Variants in RPH3AL observed in about 807,000 individuals in gnomAD.
RPH3AL encodes the protein rabphilin 3A like (without C2 domains), also known as rab effector Noc2.
A neutral mutation model predicts 43.1 loss-of-function variants in RPH3AL; 38 were observed. The ratio of observed to expected loss-of-function variants is 0.88; its 90% CI spans 0.68 to 1.15. The LOEUF (loss-of-function observed/expected upper bound fraction) is 1.15. Among genes scored for constraint, RPH3AL ranks in the 50% most tolerant of loss-of-function variants. The pLI is 0.00. For missense variants in RPH3AL, 462 were observed against 423.2 expected (o/e 1.09, Z -0.81); for synonymous variants, 189 against 176.3 (o/e 1.07, Z -0.57).
In RPH3AL at chr17:333,333, A is replaced by T. The variant is rs1164499205; in HGVS notation, c.-37+426T>A. 7.9e-6 allele frequency: 10 copies of T among 1,268,228 alleles called. No homozygotes were observed. The highest frequency in any genetic ancestry group is 1.0e-5 in the Non-Finnish European group (10 of 972,008). The allele number at this position is 1,268,228 out of a possible 1,614,324, so 78.6% of individuals were successfully genotyped here. A position where few individuals can be genotyped will look rare whatever the true frequency, so the allele number is the denominator to read the frequency against. On this transcript the variant is annotated intron_variant, in intron 2 of 9. Coordinates refer to ENST00000331302, the MANE Select transcript of RPH3AL (RefSeq NM_006987.4). This position sits in a 1 kb window ranked among gnomAD's most constrained non-coding sequence, Gnocchi z 4.5. ...TTTTATCCTAAAGAGAAAACACCTT[A>T]AATTCTCACATCAGCCACCCCCATG...
chr17:343,869 G>A (rs958802653), intron 1 of RPH3AL, among the ~76,000 whole-genome samples: 4 of 152,162 alleles, frequency 2.6e-5, no homozygotes, highest in African/African-American at 9.7e-5. Context: ...AACACAACCA[G>A]CACAAAGCCT....
intron 7 of RPH3AL, among the ~76,000 whole-genome samples, chr17:222,996 G>A (rs981042167): frequency 3.9e-5 from 6 of 152,142 alleles, no homozygotes; most frequent in African/African-American, 1.4e-4. Flanking sequence ...TCAAGACCAG[G>A]CTGGCTAACA....
At chr17:332,450 G>C (rs7221193) in intron 2 of RPH3AL, 50,351 of 165,224 alleles carry the variant, frequency 0.3, 8,973 homozygotes, top group Admixed American at 0.49. Context: ...TTCCCTGCTG[G>C]ACCTTGGGTG....
Position 251,216 on chromosome 17 carries a change from T to C in RPH3AL, c.439-3931A>G, listed in dbSNP as rs556331461. The stretch of plus-strand genomic sequence containing the variant: ...CTTGAACGGCCTGGAACCTGTCTGG[T>C]GGGATGGGTGCTTCATGGCACCCGC... On this transcript the variant is annotated intron_variant, in intron 6 of 9. Coordinates refer to ENST00000331302, the MANE Select transcript of RPH3AL (RefSeq NM_006987.4). Among the ~76,000 whole-genome samples the C allele has an allele frequency of 2.0e-5, 3 of 152,288 alleles. No homozygotes were observed. In the South Asian group the frequency reaches 6.2e-4, roughly 32 times the overall value.
chr17:304,350 C>G (rs1025983588), intron 5 of RPH3AL, among the ~76,000 whole-genome samples: 6 of 151,830 alleles, frequency 4.0e-5, no homozygotes, highest in Non-Finnish European at 8.8e-5. Context: ...GGGAATGAGC[C>G]CAGGCCGGGA....
In RPH3AL at chr17:215,075, G is replaced by T. The variant is rs1367310556; in HGVS notation, c.876+579C>A. Among the ~76,000 whole-genome samples the T allele has an allele frequency of 2.6e-5, 4 of 152,204 alleles. No homozygotes were observed. Among genetic ancestry groups the T allele is most frequent in the Admixed American group, 2.6e-4 (4 of 15,288 alleles). ...GACGGAGATCAGCTGCTGCCCTGGT[G>T]CATGCGTGTACCCATGAATCCTCTG... On this transcript the variant is annotated intron_variant, in intron 9 of 9. Coordinates refer to ENST00000331302, the MANE Select transcript of RPH3AL (RefSeq NM_006987.4). This position sits in a 1 kb window ranked among gnomAD's most constrained non-coding sequence, Gnocchi z 4.1.
At chr17:249,006 A>G (rs2041828384) in intron 6 of RPH3AL, among the ~76,000 whole-genome samples, 1 of 152,122 alleles carries the variant, frequency 6.6e-6, no homozygotes, top group Non-Finnish European at 1.5e-5. Flanking sequence ...GACTTCTCAG[A>G]TGGGACAGCC....
chr17:276,936 C>T (rs1355818445), intron 6 of RPH3AL, among the ~76,000 whole-genome samples: 1 of 152,092 alleles, frequency 6.6e-6, no homozygotes, highest in Non-Finnish European at 1.5e-5. Context: ...CAAAAATTCT[C>T]AGAGAGCCAA....
At chr17:265,091 A>AT (rs1372472529) in intron 6 of RPH3AL, among the ~76,000 whole-genome samples, 2 of 152,108 alleles carry the variant, frequency 1.3e-5, no homozygotes, top group African/African-American at 4.8e-5. Context: ...ATTAAGAGAC[A>AT]TTTTTTCTTC....
chr17:272,740 A>G (rs1195331034), intron 6 of RPH3AL, among the ~76,000 whole-genome samples: 1 of 146,712 alleles, frequency 6.8e-6, no homozygotes, highest in African/African-American at 2.5e-5. Flanking sequence ...CATGTACCCT[A>G]GAACTTAAAG....
At chr17:294,210 AG>A (rs753206247) in intron 5 of RPH3AL, among the ~76,000 whole-genome samples, 1 of 151,988 alleles carries the variant, frequency 6.6e-6, no homozygotes, top group Non-Finnish European at 1.5e-5. Context: ...GATGGGATGA[AG>A]AGACGTACAA....
At chr17:294,407 T>A (rs900599893) in intron 5 of RPH3AL, among the ~76,000 whole-genome samples, 2 of 152,218 alleles carry the variant, frequency 1.3e-5, no homozygotes, top group Non-Finnish European at 2.9e-5. Flanking sequence ...TGAGTTGTGA[T>A]TGCACCACAG....
In RPH3AL at chr17:289,969, T is replaced by C. The variant is rs2043009783; in HGVS notation, c.352-8115A>G. Among the ~76,000 whole-genome samples the C allele has an allele frequency of 6.6e-6, 1 of 152,238 alleles. No individual in the cohort carries two copies. ...GCTGCAGGGCTCCTGTGACTTCCCCTGCTGGGCCGTCATCTTCCCAAGGGC... is the reference window on the plus strand; with the variant it reads ...GCTGCAGGGCTCCTGTGACTTCCCCCGCTGGGCCGTCATCTTCCCAAGGGC... On this transcript the variant is annotated intron_variant, in intron 5 of 9. Coordinates refer to ENST00000331302, the MANE Select transcript of RPH3AL (RefSeq NM_006987.4). The surrounding 1 kb of genome is among the most constrained non-coding windows in gnomAD (Gnocchi z 5.2).
At chr17:314,267 C>A (rs572387006) in intron 5 of RPH3AL, among the ~76,000 whole-genome samples, 2 of 152,288 alleles carry the variant, frequency 1.3e-5, no homozygotes, top group South Asian at 4.1e-4. Context: ...CTGTGCCTCT[C>A]CACAGGCCCC....
intron 1 of RPH3AL, among the ~76,000 whole-genome samples, chr17:337,958 C>G (rs1166917004): frequency 6.6e-6 from 1 of 152,208 alleles, no homozygotes; most frequent in African/African-American, 2.4e-5. Context: ...CATTCCCAGG[C>G]AGAAACACTC....
chr17:232,829 CGTGTGT>C (rs71143481), intron 7 of RPH3AL, among the ~76,000 whole-genome samples: 11,163 of 118,786 alleles, frequency 0.094, 736 homozygotes, highest in Non-Finnish European at 0.12. Context: ...TCCTTTCCGG[CGTGTGT>C]GTGTGTGTGT....
chr17:347,112 G>A lies in RPH3AL; in HGVS notation c.-213+5600C>T, dbSNP rs1682629424. ...TCTCTACTAAAAATACAAAAAATTA[G>A]CCAGGCATGGTGGCAGGCACCTGTA... On this transcript the variant is annotated intron_variant, in intron 1 of 9. Coordinates refer to ENST00000331302, the MANE Select transcript of RPH3AL (RefSeq NM_006987.4). 1.5e-5 allele frequency among the ~76,000 whole-genome samples: 2 copies of A among 134,340 alleles called. 1 individual carries two copies. The highest frequency in any genetic ancestry group is 3.4e-5 in the Non-Finnish European group (2 of 59,162). The allele number at this position is 134,340 out of a possible 152,430, so 88.1% of individuals were successfully genotyped here. A position where few individuals can be genotyped will look rare whatever the true frequency, so the allele number is the denominator to read the frequency against.
chr17:235,803 G>C (rs1330638654), intron 7 of RPH3AL, among the ~76,000 whole-genome samples: 1 of 143,040 alleles, frequency 7.0e-6, no homozygotes, highest in Non-Finnish European at 1.6e-5. Context: ...ATGGATCCTG[G>C]GTTCAAAGCT....
intron 1 of RPH3AL, among the ~76,000 whole-genome samples, chr17:334,437 G>A (rs4991959): frequency 3.3e-5 from 5 of 151,118 alleles, no homozygotes; most frequent in African/African-American, 7.3e-5. Flanking sequence ...AACCACCCCA[G>A]CAAGTGCAGC....
Sources: gnomAD v4.1 joint callset for allele counts (sites outside exome capture counted in the v4.1 genomes callset) on GRCh38, gnomAD v4.1.1 for gene constraint, Gnocchi (gnomAD v3.1) non-coding constraint, MANE v1.5 for transcripts, NCBI Gene and HGNC (gene_info 2026-07-23, HGNC 2026-07-21) for gene names.